MCOLN1: variants seen among roughly 807,000 people sequenced by gnomAD.
The protein encoded by MCOLN1 is mucolipin-1.
In MCOLN1, 50 loss-of-function variants were observed where a neutral mutation model predicts 70.3. The ratio of observed to expected loss-of-function variants is 0.71; its 90% confidence interval spans 0.57 to 0.90. The LOEUF is 0.90. Ranked by LOEUF, MCOLN1 falls within the 40% of genes least tolerant of loss-of-function variation. The probability of loss-of-function intolerance (pLI) is 0.00; values close to 1 mark genes in which losing one functional copy is unlikely to be tolerated. For synonymous variants in MCOLN1, 366 were observed against 341.0 expected, an observed-to-expected ratio of 1.07 and a Z score of -0.81; for missense variants, 598 against 803.5, an observed-to-expected ratio of 0.74 and a Z score of 3.09.
intron 12 of MCOLN1, among the ~76,000 whole-genome samples, chr19:7,532,908 C>A (rs894979271): frequency 1.3e-5 from 2 of 152,036 alleles, no homozygotes. Context: ...GGGCAGTGCA[C>A]CGAGGGGAAG....
chr19:7,530,517 C>T lies in MCOLN1; in HGVS notation c.1575+16C>T. 1.2e-6 allele frequency: 2 copies of T among 1,605,316 alleles called. No homozygotes were observed. The highest frequency in any genetic ancestry group is 1.7e-6 in the Non-Finnish European group (2 of 1,178,908). On this transcript the variant is annotated intron_variant, in intron 12 of 13. Coordinates refer to ENST00000264079, the MANE Select transcript of MCOLN1 (RefSeq NM_020533.3). Reference sequence around the variant, plus strand: ...CACCATCAAGGTCAGCCGCATGCACCCAGCCCTGAGCTCGGGCTCTGGGTG... The same window carrying T: ...CACCATCAAGGTCAGCCGCATGCACTCAGCCCTGAGCTCGGGCTCTGGGTG...
At chr19:7,523,805 C>G (rs1250222248) in intron 1 of MCOLN1, among the ~76,000 whole-genome samples, 2 of 151,918 alleles carry the variant, frequency 1.3e-5, no homozygotes, top group Non-Finnish European at 2.9e-5. Context: ...TCACTGAATT[C>G]TCAGAGCAGC....
At position 7,526,360 on chromosome 19, in the gene MCOLN1, C is replaced by T. The variant is rs1281630270; in HGVS notation, c.238-79C>T. 4 of 1,571,046 alleles carry T rather than the reference C, an allele frequency of 2.5e-6. No homozygotes were observed. Among genetic ancestry groups the T allele is most frequent in the Non-Finnish European group, 3.5e-6 (4 of 1,141,208 alleles). ...ACATCTGCAGGGCCCTCCCTGTCCT[C>T]TTCCAGGGCCTGTGCCCTGAGGGAG... is the stretch of plus-strand genomic sequence containing the variant. On this transcript the variant is annotated intron_variant, in intron 2 of 13. Transcript: ENST00000264079. The surrounding 1 kb of genome is among the most constrained non-coding windows in gnomAD (Gnocchi z 4.6).
Position 7,527,536 on chromosome 19 carries a change from T to TC in MCOLN1, c.594dup (p.Glu199ArgfsTer43), listed in dbSNP as rs1349755445. ...TGTCCTTAGACTGCATCCAGGTGGATCCCCCCGAGCGGCCCCCTCCGCCCC... is the reference window on the plus strand; with the variant it reads ...TGTCCTTAGACTGCATCCAGGTGGATCCCCCCCGAGCGGCCCCCTCCGCCCC... On this transcript the variant is annotated frameshift_variant, in exon 5 of 14. Transcript: ENST00000264079. LOFTEE classifies it high-confidence loss of function. 1.3e-6 allele frequency: 2 copies of TC among 1,548,730 alleles called. No individual in the cohort carries two copies. The highest frequency in any genetic ancestry group is 1.8e-6 in the Non-Finnish European group (2 of 1,120,256).
At chr19:7,532,974 C>T (rs1398122318) in intron 12 of MCOLN1, among the ~76,000 whole-genome samples, 2 of 152,224 alleles carry the variant, frequency 1.3e-5, no homozygotes, top group Admixed American at 6.5e-5. Context: ...AAGATGGCCC[C>T]TCCATGAGGC....
rs529767626 is a variant in MCOLN1, at chr19:7,524,352, C to G, written c.32-609C>G. Among the ~76,000 whole-genome samples, 24 of 152,332 alleles carry G rather than the reference C, an allele frequency of 1.6e-4. No individual in the cohort carries two copies. Among genetic ancestry groups the G allele is most frequent in the African/African-American group, 5.5e-4 (23 of 41,564 alleles). ...TTATTACTTATGTTGTCAATTACCT[C>G]TTCTCCAGGTCCTTGGCTTCTGAGA... On this transcript the variant is annotated intron_variant, in intron 1 of 13. Coordinates refer to ENST00000264079, the MANE Select transcript of MCOLN1 (RefSeq NM_020533.3). This position sits in a 1 kb window ranked among gnomAD's most constrained non-coding sequence, Gnocchi z 4.1.
chr19:7,527,112 G>A (rs924949179), intron 4 of MCOLN1, 186 bp downstream of exon 4: 3 of 734,742 alleles, frequency 4.1e-6, no homozygotes, highest in Non-Finnish European at 4.7e-6. Flanking sequence ...TTGTCTCTAC[G>A]CACAAACAAA....
intron 12 of MCOLN1, among the ~76,000 whole-genome samples, chr19:7,531,104 C>CGTAA (rs1356239332): frequency 6.6e-6 from 1 of 152,042 alleles, no homozygotes; most frequent in African/African-American, 2.4e-5. Flanking sequence ...CACTGTGTTA[C>CGTAA]CCAGGCTGGT....
Position 7,528,612 on chromosome 19 carries a change from G to A in MCOLN1, c.893G>A (p.Arg298Gln), listed in dbSNP as rs373045339. 5.0e-6 allele frequency: 8 copies of A among 1,614,098 alleles called. No individual in the cohort carries two copies. The highest frequency in any genetic ancestry group is 4.0e-5 in the African/African-American group (3 of 74,932). ...CTCCCCGCAGGAGACAACAGCTTCCGGCTCCTGTTTGACGTGGTGGTCATC... is the reference window on the plus strand; with the variant it reads ...CTCCCCGCAGGAGACAACAGCTTCCAGCTCCTGTTTGACGTGGTGGTCATC... Reference protein sequence around the residue: ...SVFQHGDNSFRLLFDVVVILT... With the variant: ...SVFQHGDNSFQLLFDVVVILT... Residue 298 changes from arginine (R) to glutamine (Q), a missense_variant, in exon 8 of 14, where the codon CGG (arginine) becomes CAG (glutamine). Physicochemically the swap from Arg to Gln is conservative, Grantham distance 43 (BLOSUM62 1). Transcript: ENST00000264079. The surrounding 1 kb of genome is among the most constrained non-coding windows in gnomAD (Gnocchi z 4.2).
chr19:7,528,521 G>A lies in MCOLN1; in HGVS notation c.878-76G>A. 1 of 1,593,400 alleles carries A rather than the reference G, an allele frequency of 6.3e-7. No homozygotes were observed. Among genetic ancestry groups the A allele is most frequent in the Non-Finnish European group, 8.6e-7 (1 of 1,167,708 alleles). On this transcript the variant is annotated intron_variant, in intron 7 of 13. Coordinates refer to ENST00000264079, the MANE Select transcript of MCOLN1 (RefSeq NM_020533.3). This position sits in a 1 kb window ranked among gnomAD's most constrained non-coding sequence, Gnocchi z 4.2. ...AGCCGTGCAGCCCCCTAGGTCTCCA[G>A]CCTGGCCTGGCACCAATGCTAGCCT... is the stretch of plus-strand genomic sequence containing the variant.
Position 7,533,546 on chromosome 19 carries a change from G to A in MCOLN1, c.1599G>A (p.Glu533=), listed in dbSNP as rs539750700. ...AGCATCCCGGCGGCGCAGGCGCAGA[G>A]GAGAGCGAGCTGCAGGCCTACATCG... is the stretch of plus-strand genomic sequence containing the variant. The part of the protein sequence containing the change: ...TIKHPGGAGA[E]ESELQAYIAQ... The change falls in exon 13 of 14, where the codon GAG becomes GAA. Residue 533 remains glutamate, a synonymous_variant. Transcript: ENST00000264079. 4.3e-6 allele frequency: 7 copies of A among 1,611,688 alleles called. No individual in the cohort carries two copies. In the Admixed American group the frequency reaches 1.0e-4, roughly 23 times the overall value.
intron 10 of MCOLN1, among the ~76,000 whole-genome samples, 172 bp downstream of exon 10, chr19:7,529,374 G>A (rs1031588134): frequency 6.6e-6 from 1 of 152,202 alleles, no homozygotes; most frequent in African/African-American, 2.4e-5. Flanking sequence ...GGCCCCGGGA[G>A]CCTGCTCCTT....
At position 7,528,646 on chromosome 19, in the gene MCOLN1, C is replaced by T; in HGVS notation, c.927C>T (p.Cys309=). 1 of 1,614,258 alleles carries T rather than the reference C, an allele frequency of 6.2e-7. No homozygotes were observed. The part of the protein sequence containing the change: ...LLFDVVVILT[C]SLSFLLCARS... ...TTGACGTGGTGGTCATCCTCACCTGCTCCCTGTCCTTCCTCCTCTGCGCCC... is the reference window on the plus strand; with the variant it reads ...TTGACGTGGTGGTCATCCTCACCTGTTCCCTGTCCTTCCTCCTCTGCGCCC... The change falls in exon 8 of 14, where the codon TGC becomes TGT. Residue 309 remains cysteine, a synonymous_variant. Transcript: ENST00000264079. The surrounding 1 kb of genome is among the most constrained non-coding windows in gnomAD (Gnocchi z 4.2).
intron 11 of MCOLN1, among the ~76,000 whole-genome samples, 183 bp downstream of exon 11, chr19:7,529,895 C>T (rs2022629608): frequency 6.6e-6 from 1 of 152,212 alleles, no homozygotes; most frequent in Non-Finnish European, 1.5e-5. Flanking sequence ...CTATTTCGAC[C>T]TGAATTACTC....
Position 7,522,741 on chromosome 19 carries a change from C to T in MCOLN1, c.-10C>T. 6.9e-7 allele frequency: 1 copy of T among 1,451,752 alleles called. No individual in the cohort carries two copies. The highest frequency in any genetic ancestry group is 9.0e-7 in the Non-Finnish European group (1 of 1,106,268). The allele number at this position is 1,451,752 out of a possible 1,614,324, so 89.9% of individuals were successfully genotyped here. On this transcript the variant is annotated 5_prime_UTR_variant, in exon 1 of 14. Coordinates refer to ENST00000264079, the MANE Select transcript of MCOLN1 (RefSeq NM_020533.3). ...CCGTACCCGCCTGCGTCCCGCGCTC[C>T]CGCCCCAGCATGACAGCCCCGGCGG...
intron 4 of MCOLN1, 115 bp from the exon 5 acceptor site, chr19:7,527,405 T>C (rs1360514108): frequency 5.3e-6 from 4 of 750,288 alleles, no homozygotes; most frequent in Non-Finnish European, 9.9e-6. Context: ...GTGCCAGGCC[T>C]GTAGGAATGA....
At chr19:7,527,664 G>T (rs370288989) in intron 5 of MCOLN1, 36 bp downstream of exon 5, 7 of 1,452,516 alleles carry the variant, frequency 4.8e-6, no homozygotes, top group Non-Finnish European at 6.8e-6. Context: ...CCCAGGGTGG[G>T]GGAGGCAGCA....
In MCOLN1 at chr19:7,525,989, G is replaced by C. The variant is rs369467029; in HGVS notation, c.238-450G>C. The C allele has an allele frequency of 9.2e-6, 2 of 217,466 alleles. No individual in the cohort carries two copies. Among genetic ancestry groups the C allele is most frequent in the East Asian group, 1.1e-4 (1 of 9,082 alleles). 13.5% of individuals were successfully genotyped at this position (217,466 alleles called of 1,614,324 possible). On this transcript the variant is annotated intron_variant, in intron 2 of 13. Transcript: ENST00000264079. The surrounding 1 kb of genome is among the most constrained non-coding windows in gnomAD (Gnocchi z 4.2). ...AGACAGGAGAATTGCTTGAACCCAG[G>C]GGGTGGAGGTTGTAGTGAGCTGAGA...
chr19:7,532,825 G>C (rs1320689581), intron 12 of MCOLN1, among the ~76,000 whole-genome samples: 3 of 152,226 alleles, frequency 2.0e-5, no homozygotes, highest in African/African-American at 4.8e-5. Flanking sequence ...CAGTGTGGCT[G>C]GTGGCTGCCA....
Sources: gnomAD v4.1 joint callset for allele counts (sites outside exome capture counted in the v4.1 genomes callset) on GRCh38, gnomAD v4.1.1 for gene constraint, Gnocchi (gnomAD v3.1) non-coding constraint, MANE v1.5 for transcripts, NCBI Gene and HGNC (gene_info 2026-07-23, HGNC 2026-07-21) for gene names.